DDX43: variants seen among roughly 807,000 people sequenced by gnomAD.
The protein encoded by DDX43 is DEAD-box helicase 43.
A neutral mutation model predicts 84.9 loss-of-function variants in DDX43; 50 were observed. The ratio of observed to expected loss-of-function variants is 0.59; its 90% confidence interval spans 0.47 to 0.75. The LOEUF is 0.75. DDX43 is among the 30% of genes least tolerant of loss of function. DDX43 has a pLI of 0.00. For synonymous variants in DDX43, 291 were observed against 266.3 expected (o/e 1.09, Z -0.90); for missense variants, 689 against 798.6 (o/e 0.86, Z 1.65).
At position 73,413,667 on chromosome 6, in the gene DDX43, T is replaced by G; in HGVS notation, c.1378T>G (p.Ser460Ala). 6.2e-7 allele frequency: 1 copy of G among 1,613,664 alleles called. No individual in the cohort carries two copies. The highest frequency in any genetic ancestry group is 8.5e-7 in the Non-Finnish European group (1 of 1,179,896). Reference protein sequence around the residue: ...VGTLDLVAVSSVKQNIIVTTE... With the variant: ...VGTLDLVAVSAVKQNIIVTTE... ...TCTTTGAATCCTTTAGGCTGTAAGT[T>G]CAGTGAAGCAAAATATAATTGTAAC... The change falls in exon 12 of 17, where the codon TCA (serine) becomes GCA (alanine). Residue 460 changes from serine (S) to alanine (A), a missense_variant. Physicochemically the swap from Ser to Ala is moderately conservative, Grantham distance 99. Around this residue, in one of 2 missense-constraint regions of DDX43, gnomAD observed 552 missense variants for 692.7 expected, o/e 0.80. Coordinates refer to ENST00000370336, the MANE Select transcript of DDX43 (RefSeq NM_018665.3).
intron 11 of DDX43, among the ~76,000 whole-genome samples, chr6:73,412,678 C>CGCGCGTGT (rs143068937): frequency 1.3e-5 from 1 of 76,408 alleles, no homozygotes; most frequent in Non-Finnish European, 3.0e-5. Flanking sequence ...TGCGCGCGCG[C>CGCGCGTGT]GTGTGTGTGT....
chr6:73,413,199 C>T (rs1263370293), intron 11 of DDX43, among the ~76,000 whole-genome samples: 6 of 151,974 alleles, frequency 3.9e-5, no homozygotes, highest in Non-Finnish European at 8.8e-5. Flanking sequence ...ATAAAGTTCT[C>T]TTTCTGGCTT....
intron 4 of DDX43, among the ~76,000 whole-genome samples, chr6:73,404,297 T>C (rs1214696650): frequency 6.6e-6 from 1 of 152,152 alleles, no homozygotes; most frequent in East Asian, 1.9e-4. Context: ...TTCACCATGT[T>C]GGTTAGGCTC....
chr6:73,412,658 T>TGC (rs1391921205), intron 11 of DDX43, among the ~76,000 whole-genome samples: 1 of 87,842 alleles, frequency 1.1e-5, no homozygotes, highest in African/African-American at 4.2e-5. Flanking sequence ...TGTGTGTGTG[T>TGC]GTGTGTGTGT....
intron 1 of DDX43, among the ~76,000 whole-genome samples, chr6:73,395,465 A>G (rs1323650299): frequency 1.3e-5 from 2 of 151,814 alleles, no homozygotes; most frequent in East Asian, 3.9e-4. Context: ...ATTAAAAAAA[A>G]TAGCTGGGCG....
chr6:73,415,457 T>C lies in DDX43; in HGVS notation c.1746-40T>C, dbSNP rs759319443. On this transcript the variant is annotated intron_variant, in intron 14 of 16. Transcript: ENST00000370336. Reference sequence around the variant, plus strand: ...TTCATTTGTCTTATTCTGTATTAACTGAATAATGAATACATGAGTTTTTTT... The same window carrying C: ...TTCATTTGTCTTATTCTGTATTAACCGAATAATGAATACATGAGTTTTTTT... 3 of 1,407,250 alleles carry C rather than the reference T, an allele frequency of 2.1e-6. No homozygotes were observed. In the Admixed American group the frequency reaches 5.3e-5, roughly 25 times the overall value. The allele number at this position is 1,407,250 out of a possible 1,614,324, so 87.2% of individuals were successfully genotyped here.
chr6:73,409,470 A>G (rs1582639934), intron 10 of DDX43, 122 bp downstream of exon 10: 1 of 770,902 alleles, frequency 1.3e-6, no homozygotes, highest in Non-Finnish European at 2.2e-6. Context: ...TAGGTGAAAG[A>G]TCTCATAACA....
At chr6:73,405,457 C>A (rs1231283379) in intron 5 of DDX43, among the ~76,000 whole-genome samples, 1 of 152,176 alleles carries the variant, frequency 6.6e-6, no homozygotes, top group Non-Finnish European at 1.5e-5. Flanking sequence ...CATTGACCTA[C>A]TAATGTATAA....
intron 3 of DDX43, among the ~76,000 whole-genome samples, chr6:73,401,459 T>C (rs986181489): frequency 2.0e-5 from 3 of 152,300 alleles, no homozygotes; most frequent in Admixed American, 6.5e-5. Context: ...CATGTTAATG[T>C]AGTACAGAAA....
chr6:73,410,487 A>G (rs1769762561), intron 10 of DDX43, among the ~76,000 whole-genome samples: 1 of 152,056 alleles, frequency 6.6e-6, no homozygotes, highest in African/African-American at 2.4e-5. Flanking sequence ...CTTAGATTTT[A>G]TTGAATTACT....
rs369730596 is a variant in DDX43, at chr6:73,405,763, C to T, written c.735C>T (p.Asp245=). 15 of 1,613,914 alleles carry T rather than the reference C, an allele frequency of 9.3e-6. No individual in the cohort carries two copies. Among genetic ancestry groups the T allele is most frequent in the East Asian group, 2.2e-5 (1 of 44,886 alleles). ...CCAATCCTACCTGCACATTTGATGA[C>T]GCCTTTCAATGTTATCCTGAGGTTA... is the stretch of plus-strand genomic sequence containing the variant. ...PIPNPTCTFD[D]AFQCYPEVME... Residue 245 remains aspartate, a synonymous_variant, in exon 6 of 17, where the codon GAC becomes GAT. Coordinates refer to ENST00000370336, the MANE Select transcript of DDX43 (RefSeq NM_018665.3).
At chr6:73,411,021 C>T (rs1410263825) in intron 10 of DDX43, among the ~76,000 whole-genome samples, 3 of 151,708 alleles carry the variant, frequency 2.0e-5, no homozygotes, top group Admixed American at 6.6e-5. Flanking sequence ...CCCGTCTCTA[C>T]TAAATTTACC....
chr6:73,402,641 G>A (rs189948572), intron 4 of DDX43, among the ~76,000 whole-genome samples: 1 of 152,112 alleles, frequency 6.6e-6, no homozygotes, highest in African/African-American at 2.4e-5. Flanking sequence ...GTGCAGTGGC[G>A]TGATCTTGGC....
Position 73,394,839 on chromosome 6 carries a change from A to G in DDX43, c.-67A>G. ...GTGGCTTCCCTGGCACGCTACTCTT[A>G]CGACGTCACGGTCAGGTGGTGCAGA... On this transcript the variant is annotated 5_prime_UTR_variant, in exon 1 of 17. Coordinates refer to ENST00000370336, the MANE Select transcript of DDX43 (RefSeq NM_018665.3). The G allele has an allele frequency of 1.3e-6, 2 of 1,576,184 alleles. No individual in the cohort carries two copies. Among genetic ancestry groups the G allele is most frequent in the South Asian group, 1.2e-5 (1 of 84,490 alleles).
At chr6:73,415,393 C>A (rs1198832506) in intron 14 of DDX43, 104 bp from the exon 15 acceptor site, 2 of 696,142 alleles carry the variant, frequency 2.9e-6, no homozygotes, top group African/African-American at 3.7e-5. Context: ...ATCTGTTTGA[C>A]CCTAAATCTT....
intron 15 of DDX43, 113 bp from the exon 16 acceptor site, chr6:73,416,000 G>A (rs911901636): frequency 1.1e-5 from 7 of 663,230 alleles, no homozygotes; most frequent in African/African-American, 1.8e-5. Context: ...ACCTGTTTCT[G>A]TTTAAAGGAT....
intron 4 of DDX43, among the ~76,000 whole-genome samples, chr6:73,404,250 G>T (rs150334000): frequency 1.2e-3 from 182 of 152,032 alleles, no homozygotes; most frequent in African/African-American, 4.1e-3. Flanking sequence ...TGTGCCGGGA[G>T]AATTTTTGTA....
chr6:73,413,569 TGAGA>T, intron 11 of DDX43, 85 bp from the exon 12 acceptor site: 2 of 1,300,214 alleles, frequency 1.5e-6, no homozygotes, highest in Admixed American at 5.0e-5. Flanking sequence ...CATTAACCAA[TGAGA>T]GAGAAGATGC....
At chr6:73,404,601 A>C (rs1192785974) in intron 4 of DDX43, 89 bp from the exon 5 acceptor site, 12 of 1,006,258 alleles carry the variant, frequency 1.2e-5, no homozygotes, top group Non-Finnish European at 1.8e-5. Flanking sequence ...GGTAAATAAA[A>C]TATATTGTAG....
Sources: allele counts gnomAD v4.1 joint callset (sites outside exome capture counted in the v4.1 genomes callset), GRCh38; gene constraint gnomAD v4.1.1; regional missense constraint gnomAD v4.1.1; transcripts MANE v1.5; gene names NCBI Gene and HGNC (gene_info 2026-07-23, HGNC 2026-07-21).